The following PHF21A variants were observed in gnomAD, a reference collection of about 807,000 sequenced individuals.
PHF21A encodes PHD finger protein 21A.
A neutral mutation model predicts 82.5 loss-of-function variants in PHF21A; 11 were observed. The observed-to-expected ratio is 0.13, with a 90% CI of 0.08 to 0.22. The LOEUF (loss-of-function observed/expected upper bound fraction) is 0.22. PHF21A is among the 10% of genes least tolerant of loss of function. PHF21A has a pLI of 1.00. For missense variants in PHF21A, 579 were observed against 837.8 expected, an observed-to-expected ratio of 0.69 and a Z score of 3.81; for synonymous variants, 297 against 302.8, an observed-to-expected ratio of 0.98 and a Z score of 0.20.
At chr11:46,017,214 G>A (rs186516426) in intron 6 of PHF21A, among the ~76,000 whole-genome samples, 3 of 152,124 alleles carry the variant, frequency 2.0e-5, no homozygotes, top group South Asian at 2.1e-4. Context: ...CAGGTGATCC[G>A]CTCGCCTCAG....
chr11:45,948,794 G>C (rs778329803), intron 14 of PHF21A, 92 bp downstream of exon 14: 16 of 863,328 alleles, frequency 1.9e-5, no homozygotes, highest in Non-Finnish European at 3.0e-5. Context: ...AGAGGAGTTA[G>C]GTCCTATAAT....
chr11:46,102,119 G>A (rs1035393138), intron 1 of PHF21A, among the ~76,000 whole-genome samples: 2 of 151,964 alleles, frequency 1.3e-5, no homozygotes, highest in African/African-American at 4.8e-5. Context: ...GCCTCCCAAA[G>A]TGCTGGGATT....
intron 6 of PHF21A, among the ~76,000 whole-genome samples, chr11:46,006,730 G>T (rs11038742): frequency 0.15 from 22,673 of 152,176 alleles, 2,149 homozygotes; most frequent in Non-Finnish European, 0.21. Flanking sequence ...ATTAAGTATT[G>T]AACTGTCTTA....
At chr11:45,998,558 G>A in intron 6 of PHF21A, among the ~76,000 whole-genome samples, 1 of 151,648 alleles carries the variant, frequency 6.6e-6, no homozygotes, top group East Asian at 1.9e-4. Context: ...TGTTGCCCAG[G>A]CTGGAGTGCA....
chr11:46,051,298 T>C (rs2096361328), intron 6 of PHF21A, among the ~76,000 whole-genome samples: 1 of 152,110 alleles, frequency 6.6e-6, no homozygotes, highest in Non-Finnish European at 1.5e-5. Context: ...GTACCAGAAA[T>C]GAAATGGATT....
At chr11:45,947,812 G>A (rs2091515920) in intron 14 of PHF21A, among the ~76,000 whole-genome samples, 1 of 152,074 alleles carries the variant, frequency 6.6e-6, no homozygotes, top group South Asian at 2.1e-4. Flanking sequence ...ATAACTTAGA[G>A]TACTGGTTAC....
intron 6 of PHF21A, among the ~76,000 whole-genome samples, chr11:46,021,623 C>A (rs2137863178): frequency 6.9e-6 from 1 of 144,626 alleles, no homozygotes; most frequent in East Asian, 2.1e-4. Flanking sequence ...TAGCTCACTG[C>A]CTTGAACTCT....
chr11:46,030,358 G>T (rs1015352824), intron 6 of PHF21A, among the ~76,000 whole-genome samples: 1 of 152,120 alleles, frequency 6.6e-6, no homozygotes, highest in Non-Finnish European at 1.5e-5. Context: ...GATCCTGCAC[G>T]ATCTTTTATT....
intron 1 of PHF21A, among the ~76,000 whole-genome samples, chr11:46,097,193 G>A (rs555316330): frequency 2.2e-4 from 34 of 151,946 alleles, no homozygotes; most frequent in East Asian, 7.7e-4. Flanking sequence ...ATATTCTCTC[G>A]CAAGCCAGAG....
intron 1 of PHF21A, among the ~76,000 whole-genome samples, chr11:46,093,290 G>C (rs766640637): frequency 6.6e-6 from 1 of 152,118 alleles, no homozygotes; most frequent in Non-Finnish European, 1.5e-5. Flanking sequence ...TATGGTGTTT[G>C]TTGACTGATA....
At chr11:46,108,812 A>T (rs914769991) in intron 1 of PHF21A, among the ~76,000 whole-genome samples, 12 of 152,196 alleles carry the variant, frequency 7.9e-5, no homozygotes, top group African/African-American at 2.9e-4. Context: ...CTACTAAAAA[A>T]AGTATTAAAC....
intron 6 of PHF21A, among the ~76,000 whole-genome samples, chr11:46,020,714 A>C (rs2095611117): frequency 6.6e-6 from 1 of 152,174 alleles, no homozygotes; most frequent in Admixed American, 6.5e-5. Context: ...CCAAATTCAA[A>C]AACAACCTGT....
At chr11:45,953,471 A>T in intron 11 of PHF21A, 56 bp downstream of exon 11, 1 of 1,061,264 alleles carries the variant, frequency 9.4e-7, no homozygotes, top group Non-Finnish European at 1.5e-6. Context: ...CTCCTGGTAC[A>T]TGAGAATAAA....
At position 45,934,180 on chromosome 11, in the gene PHF21A, TCTC is replaced by T; in HGVS notation, c.1831_1833del (p.Glu611del). On this transcript the variant is annotated inframe_deletion, in exon 19 of 19. Transcript: ENST00000676320. ...TTTACCTTCTCCAGGGAGCTGTGCA[TCTC>T]CTTCTGCCGGGCCAGGATGGTGTTC... is the stretch of plus-strand genomic sequence containing the variant. 6.2e-7 allele frequency: 1 copy of T among 1,613,966 alleles called. No individual in the cohort carries two copies. Among genetic ancestry groups the T allele is most frequent in the Non-Finnish European group, 8.5e-7 (1 of 1,179,984 alleles).
rs547273195 is a variant in PHF21A at position 45,975,869 on chromosome 11, C to G, written c.360+3891G>C. Among the ~76,000 whole-genome samples, 25 of 152,298 alleles carry G rather than the reference C, an allele frequency of 1.6e-4. 1 individual carries two copies. The South Asian group carries it at 5.0e-3, about 30-fold the overall frequency. ...AAACTTTCTCCTCTTAGCATCTCCCCCTGGCCCCCCGATTGCTACTTAATA... is the reference window on the plus strand; with the variant it reads ...AAACTTTCTCCTCTTAGCATCTCCCGCTGGCCCCCCGATTGCTACTTAATA... On this transcript the variant is annotated intron_variant, in intron 7 of 18. Transcript: ENST00000676320.
At chr11:46,107,926 G>A (rs1444572291) in intron 1 of PHF21A, among the ~76,000 whole-genome samples, 2 of 152,090 alleles carry the variant, frequency 1.3e-5, no homozygotes, top group Admixed American at 6.5e-5. Context: ...GTAGGGATAG[G>A]TGATGGGGAT....
rs1000277954 is a variant in PHF21A at position 45,961,850 on chromosome 11, T to G, written c.996+3465A>C. Among the ~76,000 whole-genome samples the G allele has an allele frequency of 2.6e-5, 4 of 152,236 alleles. No individual in the cohort carries two copies. In the South Asian group the frequency reaches 8.3e-4, roughly 31 times the overall value. ...TCGTAAGTCTTCTGGCTTCATCTACTTTTCTGTCTAAAACGAGTCTTCAGC... is the reference window on the plus strand; with the variant it reads ...TCGTAAGTCTTCTGGCTTCATCTACGTTTCTGTCTAAAACGAGTCTTCAGC... On this transcript the variant is annotated intron_variant, in intron 10 of 18. Transcript: ENST00000676320.
chr11:45,956,763 C>T (rs549818405), intron 10 of PHF21A, among the ~76,000 whole-genome samples: 37 of 152,010 alleles, frequency 2.4e-4, no homozygotes, highest in Middle Eastern at 6.8e-3. Context: ...AAATGAAGAA[C>T]AAAAAACGTA....
At chr11:45,978,917 C>T (rs2094161926) in intron 7 of PHF21A, among the ~76,000 whole-genome samples, 1 of 152,108 alleles carries the variant, frequency 6.6e-6, no homozygotes, top group Non-Finnish European at 1.5e-5. Context: ...TGACCTGTAG[C>T]TTTCATTTCA....
Sources: allele counts gnomAD v4.1 joint callset (sites outside exome capture counted in the v4.1 genomes callset), GRCh38; gene constraint gnomAD v4.1.1; transcripts MANE v1.5; gene names NCBI Gene and HGNC (gene_info 2026-07-23, HGNC 2026-07-21).